Variants in PCBD2 observed in about 807,000 individuals in gnomAD.
PCBD2 encodes pterin-4-alpha-carbinolamine dehydratase 2.
A neutral mutation model predicts 16.4 loss-of-function variants in PCBD2; 12 were observed. The observed-to-expected ratio is 0.73, with a 90% confidence interval of 0.47 to 1.19. The LOEUF is 1.19. PCBD2 is among the 50% of genes most tolerant of loss of function. The pLI is 0.00. For synonymous variants in PCBD2, 58 were observed against 61.8 expected, an observed-to-expected ratio of 0.94 and a Z score of 0.29; for missense variants, 138 against 156.8, an observed-to-expected ratio of 0.88 and a Z score of 0.64.
At chr5:134,913,112 C>G (rs976946558) in intron 2 of PCBD2, among the ~76,000 whole-genome samples, 1 of 152,102 alleles carries the variant, frequency 6.6e-6, no homozygotes, top group Non-Finnish European at 1.5e-5. Flanking sequence ...TAAATTTTAT[C>G]ATGAAATATT....
intron 2 of PCBD2, among the ~76,000 whole-genome samples, chr5:134,951,598 G>A (rs532816049): frequency 1.2e-4 from 19 of 152,266 alleles, no homozygotes; most frequent in African/African-American, 4.6e-4. Flanking sequence ...CCATGATGAT[G>A]ATATCAACTT....
rs190072374 is a variant in PCBD2 at position 134,961,470 on chromosome 5, G to A, written c.*789G>A. 4.9e-4 allele frequency among the ~76,000 whole-genome samples: 75 copies of A among 151,654 alleles called. No individual in the cohort carries two copies. Among genetic ancestry groups the A allele is most frequent in the Admixed American group, 1.9e-3 (29 of 15,242 alleles). On this transcript the variant is annotated 3_prime_UTR_variant, in exon 4 of 4. Transcript: ENST00000254908. ...CTAGCTAATTTTTGTATTTTTAGTA[G>A]AGATGGGGTTTCATTATGTTGGCCA...
At chr5:134,934,434 T>C (rs111689462) in intron 2 of PCBD2, among the ~76,000 whole-genome samples, 6,127 of 152,248 alleles carry the variant, frequency 0.04, 380 homozygotes, top group African/African-American at 0.14. Flanking sequence ...CTCCGTGGTG[T>C]CTAATCAGGT....
intron 2 of PCBD2, among the ~76,000 whole-genome samples, chr5:134,930,808 G>C (rs1751083937): frequency 6.6e-6 from 1 of 152,186 alleles, no homozygotes; most frequent in Non-Finnish European, 1.5e-5. Flanking sequence ...CTGTTCGCTG[G>C]CTATCCATTA....
intron 2 of PCBD2, chr5:134,927,550 C>G: frequency 2.5e-6 from 1 of 395,936 alleles, no homozygotes; most frequent in Non-Finnish European, 4.4e-6. Context: ...TAGATTAGTG[C>G]GATGAGTAGG....
chr5:134,954,445 A>G (rs1751392718), intron 2 of PCBD2, among the ~76,000 whole-genome samples: 1 of 152,188 alleles, frequency 6.6e-6, no homozygotes, highest in African/African-American at 2.4e-5. Flanking sequence ...TTTTAAATGT[A>G]TTCCTAGAAC....
intron 2 of PCBD2, among the ~76,000 whole-genome samples, chr5:134,913,641 C>A (rs1168666778): frequency 6.6e-6 from 1 of 152,034 alleles, no homozygotes; most frequent in African/African-American, 2.4e-5. Context: ...AAAAAATCAC[C>A]CTGGCTGTTC....
At chr5:134,960,547 G>T (rs774420037) in intron 3 of PCBD2, 39 bp from the exon 4 acceptor site, 1 of 1,393,088 alleles carries the variant, frequency 7.2e-7, no homozygotes. Flanking sequence ...ACCATGATTT[G>T]CTGCTCAGAG....
chr5:134,958,803 C>G (rs1291924483), intron 2 of PCBD2, among the ~76,000 whole-genome samples: 1 of 152,272 alleles, frequency 6.6e-6, no homozygotes, highest in East Asian at 1.9e-4. Flanking sequence ...CTAGGTGAGA[C>G]CAATTTCCTG....
chr5:134,958,469 G>A (rs543247918), intron 2 of PCBD2, among the ~76,000 whole-genome samples: 1 of 152,294 alleles, frequency 6.6e-6, no homozygotes, highest in South Asian at 2.1e-4. Context: ...ACCCAAGCAG[G>A]CAAGCTGGGC....
At chr5:134,920,099 A>C (rs947698820) in intron 2 of PCBD2, among the ~76,000 whole-genome samples, 2 of 152,154 alleles carry the variant, frequency 1.3e-5, no homozygotes, top group Admixed American at 6.5e-5. Flanking sequence ...TGAGCTCTCC[A>C]TGTTTTGCTC....
Position 134,932,167 on chromosome 5 carries a change from A to G in PCBD2, c.216+21701A>G, listed in dbSNP as rs534117572. On this transcript the variant is annotated intron_variant, in intron 2 of 3. Transcript: ENST00000254908. The stretch of plus-strand genomic sequence containing the variant: ...ATTTTAATTCTGAGTTTCTTTAAAC[A>G]ATTTTTTTTTGTTTCTTTTTATTAT... 3.3e-5 allele frequency among the ~76,000 whole-genome samples: 5 copies of G among 152,230 alleles called. No individual in the cohort carries two copies. In the East Asian group the frequency reaches 7.7e-4, roughly 23 times the overall value.
chr5:134,908,664 C>CAAA (rs540737382), intron 1 of PCBD2, among the ~76,000 whole-genome samples: 1 of 60,582 alleles, frequency 1.7e-5, no homozygotes, highest in African/African-American at 5.1e-5. Context: ...GACTTGGTCT[C>CAAA]AAAAAAAAAA....
At chr5:134,925,899 T>C (rs868383967) in intron 2 of PCBD2, 60 of 392,978 alleles carry the variant, frequency 1.5e-4, no homozygotes, top group African/African-American at 1.1e-3. Flanking sequence ...GGAGAAATCA[T>C]GCTAGGGCAA....
intron 2 of PCBD2, chr5:134,925,081 C>T: frequency 2.5e-6 from 1 of 396,200 alleles, no homozygotes; most frequent in Non-Finnish European, 4.4e-6. Context: ...AAATAGGCTT[C>T]CGATTGTTAG....
intron 2 of PCBD2, among the ~76,000 whole-genome samples, chr5:134,940,431 ATAT>A: frequency 6.7e-6 from 1 of 149,120 alleles, no homozygotes; most frequent in South Asian, 2.1e-4. Context: ...TGCAGCATAT[ATAT>A]TTTTTTTTTT....
chr5:134,915,154 A>G (rs1010453036), intron 2 of PCBD2, among the ~76,000 whole-genome samples: 2 of 152,020 alleles, frequency 1.3e-5, no homozygotes, highest in Non-Finnish European at 2.9e-5. Flanking sequence ...GTCTCTACCA[A>G]AAATACAAAA....
At chr5:134,933,677 A>G (rs1009275396) in intron 2 of PCBD2, among the ~76,000 whole-genome samples, 3 of 152,260 alleles carry the variant, frequency 2.0e-5, no homozygotes, top group African/African-American at 7.2e-5. Context: ...AATGCTCCGT[A>G]TTAATGCTGT....
chr5:134,913,721 C>T (rs1351005327), intron 2 of PCBD2, among the ~76,000 whole-genome samples: 3 of 152,134 alleles, frequency 2.0e-5, no homozygotes, highest in African/African-American at 7.2e-5. Flanking sequence ...TTGCAGATGT[C>T]TAGACCGGGG....
Sources: gnomAD v4.1 joint callset for allele counts (sites outside exome capture counted in the v4.1 genomes callset) on GRCh38, gnomAD v4.1.1 for gene constraint, MANE v1.5 for transcripts, NCBI Gene and HGNC (gene_info 2026-07-23, HGNC 2026-07-21) for gene names.